The following CRACR2A variants were observed in gnomAD, a reference collection of about 807,000 sequenced individuals.
CRACR2A encodes EF-hand calcium-binding domain-containing protein 4B.
Under a neutral mutation model 90.5 loss-of-function variants are expected in CRACR2A, and 79 were observed. The ratio of observed to expected loss-of-function variants is 0.87; its 90% CI spans 0.73 to 1.05. The LOEUF (loss-of-function observed/expected upper bound fraction) is 1.05, where lower values mean the gene tolerates loss of function less well. CRACR2A is among the 50% of genes least tolerant of loss of function. The pLI is 0.00. For missense variants in CRACR2A, 823 were observed against 897.2 expected, an observed-to-expected ratio of 0.92 and a Z score of 1.06; for synonymous variants, 338 against 356.7, an observed-to-expected ratio of 0.95 and a Z score of 0.59.
At chr12:3,665,474 T>C (rs976970607) in intron 7 of CRACR2A, among the ~76,000 whole-genome samples, 3 of 152,220 alleles carry the variant, frequency 2.0e-5, no homozygotes, top group Non-Finnish European at 4.4e-5. Context: ...AATCAGTTGG[T>C]AATACCTACT....
At chr12:3,695,011 C>A (rs181562924) in intron 4 of CRACR2A, among the ~76,000 whole-genome samples, 1 of 152,112 alleles carries the variant, frequency 6.6e-6, no homozygotes, top group African/African-American at 2.4e-5. Context: ...CAAATACAAG[C>A]GATTTCTTTA....
chr12:3,647,047 G>C (rs76255300), intron 11 of CRACR2A, among the ~76,000 whole-genome samples: 4,696 of 152,268 alleles, frequency 0.031, 104 homozygotes, highest in Middle Eastern at 0.061. Flanking sequence ...GCTTCAAAGT[G>C]CATGTTCCTA....
At chr12:3,623,431 T>G (rs1046794901) in intron 17 of CRACR2A, among the ~76,000 whole-genome samples, 8 of 152,102 alleles carry the variant, frequency 5.3e-5, no homozygotes, top group Admixed American at 5.2e-4. Context: ...CTGCAGACAC[T>G]GGGGGCCAGC....
At chr12:3,739,857 C>T (rs1052370917) in intron 1 of CRACR2A, among the ~76,000 whole-genome samples, 3 of 150,918 alleles carry the variant, frequency 2.0e-5, no homozygotes, top group Non-Finnish European at 4.4e-5. Context: ...TCGCTTGAAC[C>T]AGGGAGTTGG....
intron 1 of CRACR2A, among the ~76,000 whole-genome samples, chr12:3,733,924 C>T (rs1441828594): frequency 2.0e-5 from 3 of 150,006 alleles, no homozygotes; most frequent in African/African-American, 4.9e-5. Flanking sequence ...TTTCTCTCCA[C>T]CTTTTCTTGG....
At chr12:3,718,164 A>G (rs1428632826) in intron 2 of CRACR2A, among the ~76,000 whole-genome samples, 2 of 152,250 alleles carry the variant, frequency 1.3e-5, no homozygotes, top group African/African-American at 4.8e-5. Flanking sequence ...AGCACAGGGT[A>G]TGACCCATAC....
chr12:3,638,814 G>GT (rs1944506416), intron 13 of CRACR2A, among the ~76,000 whole-genome samples: 1 of 152,206 alleles, frequency 6.6e-6, no homozygotes, highest in South Asian at 2.1e-4. Flanking sequence ...TTTACAAATT[G>GT]TGAGACTGCT....
At chr12:3,675,909 G>T (rs1235705609) in intron 6 of CRACR2A, among the ~76,000 whole-genome samples, 1 of 151,944 alleles carries the variant, frequency 6.6e-6, no homozygotes, top group Non-Finnish European at 1.5e-5. Flanking sequence ...TGCCATGCTA[G>T]CAACGCTCTT....
At chr12:3,628,817 G>A (rs1163660479) in intron 15 of CRACR2A, among the ~76,000 whole-genome samples, 2 of 152,190 alleles carry the variant, frequency 1.3e-5, no homozygotes, top group African/African-American at 4.8e-5. Context: ...GATAGAGACA[G>A]AAGAGACCAA....
At position 3,670,577 on chromosome 12, in the gene CRACR2A, T is replaced by C. The variant is rs1437600954; in HGVS notation, c.671+2869A>G. Among the ~76,000 whole-genome samples the C allele has an allele frequency of 2.0e-5, 3 of 152,188 alleles. No homozygotes were observed. The East Asian group carries it at 5.8e-4, about 29-fold the overall frequency. Reference sequence around the variant, plus strand: ...TCTTGTTTGATGTCTGAGTTACAAGTGCCTTTATACATAGGTCCACCAGCA... The same window carrying C: ...TCTTGTTTGATGTCTGAGTTACAAGCGCCTTTATACATAGGTCCACCAGCA... On this transcript the variant is annotated intron_variant, in intron 7 of 19. Transcript: ENST00000440314.
chr12:3,648,518 A>G, intron 11 of CRACR2A, 24 bp downstream of exon 11: 1 of 1,614,170 alleles, frequency 6.2e-7, no homozygotes, highest in South Asian at 1.1e-5. Context: ...TGCTCTCAGC[A>G]CAGGCCAGTG....
At chr12:3,649,413 G>A (rs1944755645) in intron 10 of CRACR2A, among the ~76,000 whole-genome samples, 1 of 152,064 alleles carries the variant, frequency 6.6e-6, no homozygotes, top group Non-Finnish European at 1.5e-5. Flanking sequence ...CCAGAGGCTG[G>A]TTCAGTATGT....
At chr12:3,737,592 C>T (rs756657276) in intron 1 of CRACR2A, among the ~76,000 whole-genome samples, 1 of 152,034 alleles carries the variant, frequency 6.6e-6, no homozygotes, top group Admixed American at 6.5e-5. Flanking sequence ...GAGATGGCAA[C>T]ATCTTGGACC....
At chr12:3,690,708 T>C (rs1409508445) in intron 4 of CRACR2A, among the ~76,000 whole-genome samples, 1 of 152,196 alleles carries the variant, frequency 6.6e-6, no homozygotes, top group Non-Finnish European at 1.5e-5. Flanking sequence ...AGGTCCTGAA[T>C]ATCCTTGTTA....
chr12:3,663,741 C>G (rs1483346247), intron 7 of CRACR2A, among the ~76,000 whole-genome samples: 1 of 152,208 alleles, frequency 6.6e-6, no homozygotes, highest in African/African-American at 2.4e-5. Context: ...GTTCTAGATG[C>G]TGCATATCTA....
intron 10 of CRACR2A, among the ~76,000 whole-genome samples, chr12:3,649,265 T>G (rs192522958): frequency 1.3e-5 from 2 of 151,354 alleles, no homozygotes; most frequent in Non-Finnish European, 2.9e-5. Flanking sequence ...AATAAATAAA[T>G]AAAAAAGAGT....
Position 3,696,687 on chromosome 12 carries a change from T to C in CRACR2A, c.228+85A>G. On this transcript the variant is annotated intron_variant, in intron 4 of 19. Transcript: ENST00000440314. ...GGTGGCATCTTTTCTGTTAAGGATG[T>C]CACCTCCCACGGGGCAAGCTCTAAC... The C allele has an allele frequency of 2.5e-6, 4 of 1,573,008 alleles. No homozygotes were observed. The Admixed American group carries it at 6.8e-5, about 27-fold the overall frequency.
chr12:3,619,115 C>T (rs1867755613), intron 18 of CRACR2A, among the ~76,000 whole-genome samples, 156 bp downstream of exon 18: 1 of 152,222 alleles, frequency 6.6e-6, no homozygotes, highest in Non-Finnish European at 1.5e-5. Context: ...TGCACAGGAG[C>T]TGAGCCATTC....
chr12:3,657,567 G>C (rs1565477804), intron 8 of CRACR2A, among the ~76,000 whole-genome samples: 1 of 152,170 alleles, frequency 6.6e-6, no homozygotes, highest in Non-Finnish European at 1.5e-5. Context: ...CTGGTAAATG[G>C]GCAGAAGAAC....
Sources: allele counts gnomAD v4.1 joint callset (sites outside exome capture counted in the v4.1 genomes callset), GRCh38; gene constraint gnomAD v4.1.1; transcripts MANE v1.5; gene names NCBI Gene and HGNC (gene_info 2026-07-23, HGNC 2026-07-21).